The following RELN variants were observed in gnomAD, a reference collection of about 807,000 sequenced individuals.
RELN encodes the protein reelin.
Under a neutral mutation model 427.6 loss-of-function variants are expected in RELN, and 108 were observed. The observed-to-expected ratio is 0.25, with a 90% CI of 0.22 to 0.30. The LOEUF is 0.30. Ranked by LOEUF, RELN falls within the 10% of genes least tolerant of loss-of-function variation. The probability of loss-of-function intolerance (pLI) is 1.00; values close to 1 mark genes in which losing one functional copy is unlikely to be tolerated. For synonymous variants in RELN, 1,524 were observed against 1,513.4 expected, an observed-to-expected ratio of 1.01 and a Z score of -0.16; for missense variants, 3,715 against 4,302.8, an observed-to-expected ratio of 0.86 and a Z score of 3.82.
intron 50 of RELN, chr7:103,513,202 C>CAACT (rs541495672): frequency 2.0e-5 from 3 of 152,178 alleles, no homozygotes; most frequent in South Asian, 2.1e-4. Flanking sequence ...TTGCATTGCT[C>CAACT]AACTAACTAA....
chr7:103,802,815 G>A (rs1792501527), intron 3 of RELN, among the ~76,000 whole-genome samples: 1 of 152,038 alleles, frequency 6.6e-6, no homozygotes, highest in Admixed American at 6.6e-5. Context: ...ATAAAATGTA[G>A]ATATAAGAAT....
intron 6 of RELN, among the ~76,000 whole-genome samples, chr7:103,730,428 A>G (rs1584442497): frequency 6.6e-6 from 1 of 151,984 alleles, no homozygotes; most frequent in East Asian, 1.9e-4. Flanking sequence ...CAGTACCTAG[A>G]TGACAGATGT....
chr7:103,770,655 T>A (rs373800564), intron 4 of RELN, among the ~76,000 whole-genome samples: 7,362 of 107,750 alleles, frequency 0.068, 246 homozygotes, highest in Non-Finnish European at 0.084. Context: ...TTTTTAAAAA[T>A]TTTTTTTTTT....
intron 25 of RELN, among the ~76,000 whole-genome samples, chr7:103,594,889 T>C (rs1022933977): frequency 6.6e-6 from 1 of 152,160 alleles, no homozygotes; most frequent in Non-Finnish European, 1.5e-5. Context: ...TGGGAAAACA[T>C]AAAAATGCAT....
At chr7:103,911,002 T>A (rs1218278634) in intron 2 of RELN, among the ~76,000 whole-genome samples, 1 of 138,718 alleles carries the variant, frequency 7.2e-6, no homozygotes, top group Non-Finnish European at 1.5e-5. Context: ...AATTGACAAA[T>A]GGGATCTAAT....
At chr7:103,576,690 G>A (rs1392186838) in intron 28 of RELN, among the ~76,000 whole-genome samples, 3 of 152,084 alleles carry the variant, frequency 2.0e-5, no homozygotes, top group Non-Finnish European at 2.9e-5. Context: ...AGTTTGTACC[G>A]ACAGCTCTAT....
chr7:103,909,697 A>AATATATAAATATATATTAAATATATATT (rs1795301751), intron 2 of RELN, among the ~76,000 whole-genome samples: 1 of 64,490 alleles, frequency 1.6e-5, no homozygotes, highest in African/African-American at 8.1e-5. Flanking sequence ...AAATATATAT[A>AATATATAAATATATATTAAATATATATT]TTTAATATAT....
chr7:103,822,190 T>C (rs1433860339), intron 3 of RELN, among the ~76,000 whole-genome samples: 1 of 152,038 alleles, frequency 6.6e-6, no homozygotes. Flanking sequence ...ATGACAAAGT[T>C]TTACATGAAT....
chr7:103,935,189 G>A (rs901651315), intron 1 of RELN, among the ~76,000 whole-genome samples: 3 of 152,194 alleles, frequency 2.0e-5, no homozygotes, highest in South Asian at 2.1e-4. Context: ...TATTTTGTAA[G>A]TGATCAAATG....
At position 103,630,182 on chromosome 7, in the gene RELN, GA is replaced by G. The variant is rs571882672; in HGVS notation, c.2466-7del. ...GTAGTTCTACGGAGATTATTCTAGAGAAAAAAAAAAAGTCAAAATTTAGATT... is the reference window on the plus strand; with the variant it reads ...GTAGTTCTACGGAGATTATTCTAGAGAAAAAAAAAAGTCAAAATTTAGATT... On this transcript the variant is annotated splice_region_variant and splice_polypyrimidine_tract_variant and intron_variant, in intron 19 of 64. Coordinates refer to ENST00000428762, the MANE Select transcript of RELN (RefSeq NM_005045.4). 11,929 of 1,206,504 alleles carry G rather than the reference GA, an allele frequency of 9.9e-3. 11 individuals carry two copies. The highest frequency in any genetic ancestry group is 0.02 in the East Asian group (635 of 32,288). The allele number at this position is 1,206,504 out of a possible 1,614,324, so 74.7% of individuals were successfully genotyped here. A position where few individuals can be genotyped will look rare whatever the true frequency, so the allele number is the denominator to read the frequency against.
intron 8 of RELN, 83 bp downstream of exon 8, chr7:103,723,057 C>T (rs1037578067): frequency 3.3e-5 from 27 of 824,250 alleles, no homozygotes; most frequent in African/African-American, 5.0e-5. Context: ...CCAAAAGCAT[C>T]TGGCATTATA....
intron 6 of RELN, among the ~76,000 whole-genome samples, chr7:103,745,505 A>T (rs1439536414): frequency 2.1e-5 from 3 of 146,136 alleles, no homozygotes; most frequent in Non-Finnish European, 3.0e-5. Flanking sequence ...ATGATTGTAT[A>T]TCTATAAAAC....
At chr7:103,723,326 C>A in intron 7 of RELN, 135 bp from the exon 8 acceptor site, 2 of 670,606 alleles carry the variant, frequency 3.0e-6, no homozygotes, top group Non-Finnish European at 5.5e-6. Flanking sequence ...TTGCATTTAT[C>A]CAGTTGTTAG....
At chr7:103,820,150 G>C (rs79690867) in intron 3 of RELN, among the ~76,000 whole-genome samples, 1 of 151,960 alleles carries the variant, frequency 6.6e-6, no homozygotes, top group Non-Finnish European at 1.5e-5. Context: ...TTCATTTAAT[G>C]TCTTAGGGTT....
intron 6 of RELN, among the ~76,000 whole-genome samples, chr7:103,734,934 G>T (rs893138021): frequency 6.6e-6 from 1 of 151,994 alleles, no homozygotes; most frequent in African/African-American, 2.4e-5. Context: ...AGCGATGAGT[G>T]GACTTCATAA....
intron 2 of RELN, among the ~76,000 whole-genome samples, chr7:103,881,905 A>G (rs563226527): frequency 6.6e-6 from 1 of 152,300 alleles, no homozygotes; most frequent in South Asian, 2.1e-4. Flanking sequence ...TTAAGCTCCT[A>G]AAAGGCAGAA....
At chr7:103,663,197 C>T (rs1308299345) in intron 11 of RELN, among the ~76,000 whole-genome samples, 3 of 152,084 alleles carry the variant, frequency 2.0e-5, no homozygotes, top group African/African-American at 7.2e-5. Context: ...TAGATTCTTC[C>T]TTTGTGATCT....
chr7:103,710,030 C>T (rs1043518472), intron 8 of RELN, among the ~76,000 whole-genome samples: 2 of 152,142 alleles, frequency 1.3e-5, no homozygotes, highest in Admixed American at 6.5e-5. Flanking sequence ...AGAATGTGAA[C>T]GTATATTTAT....
At chr7:103,757,691 TAAG>T (rs1460762718) in intron 4 of RELN, among the ~76,000 whole-genome samples, 3 of 152,138 alleles carry the variant, frequency 2.0e-5, no homozygotes, top group Admixed American at 1.3e-4. Context: ...GTGGTAGTGA[TAAG>T]AAGATCAGGT....
Sources: gnomAD v4.1 joint callset for allele counts (sites outside exome capture counted in the v4.1 genomes callset) on GRCh38, gnomAD v4.1.1 for gene constraint, MANE v1.5 for transcripts, NCBI Gene and HGNC (gene_info 2026-07-23, HGNC 2026-07-21) for gene names.